Variants in HMBOX1 observed in about 807,000 individuals in gnomAD.
HMBOX1 encodes the protein homeobox-containing protein 1.
Under a neutral mutation model 54.5 loss-of-function variants are expected in HMBOX1, and 14 were observed. The observed-to-expected ratio is 0.26, with a 90% CI of 0.17 to 0.40. HMBOX1 has a LOEUF of 0.40. HMBOX1 is among the 10% of genes least tolerant of loss of function. The probability of loss-of-function intolerance (pLI) is 1.00; values close to 1 mark genes in which losing one functional copy is unlikely to be tolerated. For missense variants in HMBOX1, 332 were observed against 514.4 expected (o/e 0.65, Z 3.43); for synonymous variants, 160 against 181.0 (o/e 0.88, Z 0.93).
intron 5 of HMBOX1, among the ~76,000 whole-genome samples, chr8:29,014,270 G>GA (rs35567661): frequency 8.3e-4 from 126 of 151,846 alleles, no homozygotes; most frequent in Non-Finnish European, 1.5e-3. Context: ...TAGATGGGGG[G>GA]AAAAAAGATT....
At chr8:29,021,876 A>G (rs1801236962) in intron 6 of HMBOX1, among the ~76,000 whole-genome samples, 2 of 151,494 alleles carry the variant, frequency 1.3e-5, no homozygotes, top group South Asian at 4.2e-4. Context: ...AAAAAAAAAA[A>G]TGCTCAATCT....
intron 1 of HMBOX1, among the ~76,000 whole-genome samples, chr8:28,952,378 C>T (rs1467733747): frequency 6.6e-6 from 1 of 151,926 alleles, no homozygotes; most frequent in Non-Finnish European, 1.5e-5. Flanking sequence ...GGATTACAGG[C>T]CCCCACCACC....
intron 1 of HMBOX1, among the ~76,000 whole-genome samples, chr8:28,912,372 G>C (rs969210096): frequency 6.6e-6 from 1 of 152,012 alleles, no homozygotes; most frequent in Non-Finnish European, 1.5e-5. Flanking sequence ...ATCTTAAAAA[G>C]AAAACACAAG....
chr8:28,971,563 A>G (rs1216728198), intron 3 of HMBOX1, among the ~76,000 whole-genome samples: 1 of 152,208 alleles, frequency 6.6e-6, no homozygotes, highest in African/African-American at 2.4e-5. Context: ...CTTGACCTAA[A>G]TGGTAAAGAA....
intron 1 of HMBOX1, among the ~76,000 whole-genome samples, chr8:28,894,317 T>C (rs1811636206): frequency 6.6e-6 from 1 of 152,192 alleles, no homozygotes; most frequent in African/African-American, 2.4e-5. Context: ...ATTTATGAAA[T>C]TGGTGTATAT....
intron 5 of HMBOX1, among the ~76,000 whole-genome samples, chr8:29,014,289 G>A (rs1485405292): frequency 6.6e-6 from 1 of 152,034 alleles, no homozygotes; most frequent in Non-Finnish European, 1.5e-5. Context: ...TTTCTGTAAG[G>A]AAATAGACAA....
chr8:28,930,048 A>G (rs1215415716), intron 1 of HMBOX1, among the ~76,000 whole-genome samples: 1 of 151,504 alleles, frequency 6.6e-6, no homozygotes, highest in Non-Finnish European at 1.5e-5. Context: ...TGTCAGGGAA[A>G]CATATTTCTC....
chr8:28,960,765 CTTTTTTTTTTTTTTTTTTT>C (rs1162477676), intron 1 of HMBOX1, among the ~76,000 whole-genome samples: 311 of 16,262 alleles, frequency 0.019, 17 homozygotes, highest in African/African-American at 0.047. Flanking sequence ...TTTTCTTTTT[CTTTTTTTTTTTTTTTTTTT>C]TTTTTTTTTT....
At chr8:29,045,324 A>T in intron 6 of HMBOX1, 37 bp from the exon 7 acceptor site, 1 of 1,527,690 alleles carries the variant, frequency 6.5e-7, no homozygotes, top group African/African-American at 1.4e-5. Context: ...ATGTTTGAAA[A>T]ATAAAAACTT....
At position 29,028,262 on chromosome 8, in the gene HMBOX1, T is replaced by A. The variant is rs773842608; in HGVS notation, c.851+9349T>A. Among the ~76,000 whole-genome samples the A allele has an allele frequency of 1.2e-4, 18 of 152,282 alleles. No individual in the cohort carries two copies. In the South Asian group the frequency reaches 1.9e-3, roughly 16 times the overall value. On this transcript the variant is annotated intron_variant, in intron 6 of 9. Transcript: ENST00000287701. ...AATACTATAACGAACCAAAATTATA[T>A]CATAGTTTTAAATTTGGTGTCACTG...
intron 1 of HMBOX1, among the ~76,000 whole-genome samples, chr8:28,924,101 G>GT (rs140044626): frequency 0.059 from 8,512 of 144,730 alleles, 798 homozygotes; most frequent in East Asian, 0.48. Flanking sequence ...GGACATAAGT[G>GT]TTTTTTTTTG....
At chr8:29,018,727 A>G (rs377318247) in intron 5 of HMBOX1, 33 bp from the exon 6 acceptor site, 9 of 1,600,534 alleles carry the variant, frequency 5.6e-6, no homozygotes, top group Non-Finnish European at 7.7e-6. Context: ...ATAAACTGCA[A>G]GATATTTGCT....
At chr8:29,017,727 A>G (rs1199386646) in intron 5 of HMBOX1, among the ~76,000 whole-genome samples, 1 of 152,218 alleles carries the variant, frequency 6.6e-6, no homozygotes, top group East Asian at 1.9e-4. Flanking sequence ...ACATCTGTGT[A>G]AGAGAATACA....
At chr8:29,034,326 G>A (rs902618873) in intron 6 of HMBOX1, among the ~76,000 whole-genome samples, 8 of 152,098 alleles carry the variant, frequency 5.3e-5, no homozygotes, top group East Asian at 3.9e-4. Flanking sequence ...ACTTTGACAC[G>A]TCGTCCATGA....
chr8:28,908,109 TC>T, intron 1 of HMBOX1, among the ~76,000 whole-genome samples: 1 of 152,304 alleles, frequency 6.6e-6, no homozygotes, highest in Non-Finnish European at 1.5e-5. Context: ...TGCATCAGCC[TC>T]CCAAAGTGGT....
At chr8:28,911,324 C>T (rs2131666826) in intron 1 of HMBOX1, among the ~76,000 whole-genome samples, 1 of 152,316 alleles carries the variant, frequency 6.6e-6, no homozygotes, top group Middle Eastern at 3.4e-3. Context: ...GACAGCAATA[C>T]TGTTGCTTGC....
In HMBOX1 at chr8:28,977,296, C is replaced by T. The variant is rs1311981491; in HGVS notation, c.501-2775C>T. ...AAAAACCCATTTAATTCTTTTCCCC[C>T]ACAAAAGTACATTCTTTTATTTAAC... On this transcript the variant is annotated intron_variant, in intron 3 of 9. Transcript: ENST00000287701. Among the ~76,000 whole-genome samples the T allele has an allele frequency of 2.0e-5, 3 of 152,144 alleles. No homozygotes were observed. The East Asian group carries it at 5.8e-4, about 29-fold the overall frequency.
intron 1 of HMBOX1, among the ~76,000 whole-genome samples, chr8:28,910,465 G>A (rs1469208361): frequency 6.6e-6 from 1 of 152,118 alleles, no homozygotes; most frequent in East Asian, 1.9e-4. Context: ...TCTATGTTTA[G>A]CTTTTTAAGA....
chr8:28,917,665 A>G (rs1271341555), intron 1 of HMBOX1, among the ~76,000 whole-genome samples: 1 of 152,132 alleles, frequency 6.6e-6, no homozygotes, highest in Non-Finnish European at 1.5e-5. Flanking sequence ...ATTATTAAAT[A>G]TGATATATTT....
Sources: gnomAD v4.1 joint callset for allele counts (sites outside exome capture counted in the v4.1 genomes callset) on GRCh38, gnomAD v4.1.1 for gene constraint, MANE v1.5 for transcripts, NCBI Gene and HGNC (gene_info 2026-07-23, HGNC 2026-07-21) for gene names.